PRKAG2: variants seen among roughly 807,000 people sequenced by gnomAD.
PRKAG2 encodes 5'-AMP-activated protein kinase subunit gamma-2.
In PRKAG2, 26 loss-of-function variants were observed where a neutral mutation model predicts 69.6. The ratio of observed to expected loss-of-function variants is 0.37; its 90% CI spans 0.27 to 0.52. The LOEUF is 0.52. Among genes scored for constraint, PRKAG2 ranks in the 20% least tolerant of loss-of-function variants. The pLI is 0.90. For synonymous variants in PRKAG2, 293 were observed against 285.0 expected, an observed-to-expected ratio of 1.03 and a Z score of -0.28; for missense variants, 557 against 740.0, an observed-to-expected ratio of 0.75 and a Z score of 2.87.
chr7:151,754,051 G>A (rs935200724), intron 3 of PRKAG2, among the ~76,000 whole-genome samples: 2 of 152,312 alleles, frequency 1.3e-5, no homozygotes, highest in African/African-American at 4.8e-5. Flanking sequence ...GTGGGCCTGT[G>A]TGTTAAGTAA....
intron 1 of PRKAG2, among the ~76,000 whole-genome samples, chr7:151,874,584 C>G (rs1361889195): frequency 6.6e-6 from 1 of 151,966 alleles, no homozygotes; most frequent in Non-Finnish European, 1.5e-5. Flanking sequence ...ACACTTTACA[C>G]TTGTCAAGAG....
At chr7:151,785,423 C>T (rs1286708753) in intron 2 of PRKAG2, among the ~76,000 whole-genome samples, 1 of 152,236 alleles carries the variant, frequency 6.6e-6, no homozygotes, top group African/African-American at 2.4e-5. Context: ...CAAGGCCATT[C>T]CCTGGCAGTC....
chr7:151,846,809 G>A (rs904308635), intron 1 of PRKAG2, among the ~76,000 whole-genome samples: 2 of 152,234 alleles, frequency 1.3e-5, no homozygotes, highest in Non-Finnish European at 2.9e-5. Flanking sequence ...GTATTCTTCT[G>A]TAGTTGGATT....
chr7:151,834,333 A>C (rs1301748637), intron 1 of PRKAG2, among the ~76,000 whole-genome samples: 1 of 152,244 alleles, frequency 6.6e-6, no homozygotes, highest in Non-Finnish European at 1.5e-5. Flanking sequence ...AACCAGGTAC[A>C]GGTGATTCCC....
intron 5 of PRKAG2, among the ~76,000 whole-genome samples, chr7:151,604,970 T>A (rs549873842): frequency 2.6e-5 from 4 of 152,296 alleles, no homozygotes; most frequent in South Asian, 4.1e-4. Flanking sequence ...CGACATTTTT[T>A]AAAAATATAA....
chr7:151,735,708 G>A (rs191641781), intron 3 of PRKAG2, among the ~76,000 whole-genome samples: 17 of 152,276 alleles, frequency 1.1e-4, no homozygotes, highest in Non-Finnish European at 2.4e-4. Flanking sequence ...ATTGTCAGGC[G>A]GCTCCCCACA....
At chr7:151,864,702 G>A (rs902847641) in intron 1 of PRKAG2, among the ~76,000 whole-genome samples, 1 of 152,094 alleles carries the variant, frequency 6.6e-6, no homozygotes, top group African/African-American at 2.4e-5. Context: ...ATATCTCCTC[G>A]GACACTCACT....
chr7:151,854,964 CACCCTCCACACACACCAT>C (rs2151898917), intron 1 of PRKAG2, among the ~76,000 whole-genome samples: 1 of 23,936 alleles, frequency 4.2e-5, no homozygotes, highest in East Asian at 7.9e-4. Context: ...CTCCACATAC[CACCCTCCACACACACCAT>C]GCTCCACACA....
intron 3 of PRKAG2, among the ~76,000 whole-genome samples, chr7:151,686,662 C>A (rs890081043): frequency 6.6e-6 from 1 of 152,224 alleles, no homozygotes; most frequent in Admixed American, 6.5e-5. Flanking sequence ...CCCCACCCCA[C>A]TCCAGCCCTG....
chr7:151,753,023 G>T (rs2074818551), intron 3 of PRKAG2, among the ~76,000 whole-genome samples: 1 of 152,258 alleles, frequency 6.6e-6, no homozygotes, highest in Admixed American at 6.5e-5. Flanking sequence ...CCCACGGATG[G>T]GTGGGTGCCC....
chr7:151,564,833 A>C (rs1311653219), intron 13 of PRKAG2, among the ~76,000 whole-genome samples: 1 of 152,190 alleles, frequency 6.6e-6, no homozygotes, highest in African/African-American at 2.4e-5. Flanking sequence ...TAATAGTGTG[A>C]AGCAAAGGGT....
chr7:151,684,085 A>G (rs1834303644), intron 3 of PRKAG2, among the ~76,000 whole-genome samples: 1 of 151,928 alleles, frequency 6.6e-6, no homozygotes, highest in Non-Finnish European at 1.5e-5. Flanking sequence ...CAGCCCTCTG[A>G]CTCCAGAATG....
intron 6 of PRKAG2, among the ~76,000 whole-genome samples, chr7:151,593,996 C>T (rs780526694): frequency 3.3e-5 from 5 of 152,164 alleles, no homozygotes; most frequent in Non-Finnish European, 5.9e-5. Context: ...TGAGGACGCA[C>T]GGCAGGTGTG....
At chr7:151,581,283 A>G (rs1253504927) in intron 6 of PRKAG2, among the ~76,000 whole-genome samples, 1 of 152,244 alleles carries the variant, frequency 6.6e-6, no homozygotes, top group East Asian at 1.9e-4. Context: ...CGGTAATTAA[A>G]TGCTATTCTA....
intron 1 of PRKAG2, among the ~76,000 whole-genome samples, chr7:151,816,753 C>A (rs1284509017): frequency 6.6e-6 from 1 of 152,370 alleles, no homozygotes; most frequent in East Asian, 1.9e-4. Context: ...TCAATATTTT[C>A]TCCTGCTGGT....
chr7:151,736,076 CA>C, intron 3 of PRKAG2: 1 of 1,528,884 alleles, frequency 6.5e-7, no homozygotes, highest in Non-Finnish European at 8.8e-7. Flanking sequence ...GGCCGGGAGC[CA>C]GAGGAGCATC....
chr7:151,794,116 C>G (rs1305579769), intron 1 of PRKAG2, among the ~76,000 whole-genome samples: 2 of 152,186 alleles, frequency 1.3e-5, no homozygotes, highest in African/African-American at 4.8e-5. Flanking sequence ...TCGGGGCTCC[C>G]CTTCCCCGCC....
chr7:151,827,459 G>C (rs897284202), intron 1 of PRKAG2, among the ~76,000 whole-genome samples: 1 of 151,942 alleles, frequency 6.6e-6, no homozygotes, highest in African/African-American at 2.4e-5. Context: ...GGCTGGTCTC[G>C]AACTCCTGAC....
chr7:151,632,211 G>T lies in PRKAG2; in HGVS notation c.685-73C>A. On this transcript the variant is annotated intron_variant, in intron 4 of 15. Transcript: ENST00000287878. The surrounding 1 kb of genome is among the most constrained non-coding windows in gnomAD (Gnocchi z 4.2). ...TCCCCGGCCGGCGGGCTCGCGGCCG[G>T]CCGAGCGCTGGGGCCTGGCTCTGCC... 4.4e-6 allele frequency: 5 copies of T among 1,146,336 alleles called. No individual in the cohort carries two copies. The highest frequency in any genetic ancestry group is 5.4e-6 in the Non-Finnish European group (5 of 932,558). The allele number at this position is 1,146,336 out of a possible 1,614,324, so 71.0% of individuals were successfully genotyped here.
Sources: allele counts gnomAD v4.1 joint callset (sites outside exome capture counted in the v4.1 genomes callset), GRCh38; gene constraint gnomAD v4.1.1; non-coding constraint Gnocchi (gnomAD v3.1); transcripts MANE v1.5; gene names NCBI Gene and HGNC (gene_info 2026-07-23, HGNC 2026-07-21).